SNX8: variants seen among roughly 807,000 people sequenced by gnomAD.
SNX8 encodes the protein sorting nexin-8.
In SNX8, 25 loss-of-function variants were observed where a neutral mutation model predicts 51.6. That is an observed-to-expected ratio of 0.48 (90% CI 0.35 to 0.68). The LOEUF is 0.68. Ranked by LOEUF, SNX8 falls within the 30% of genes least tolerant of loss-of-function variation. SNX8 has a pLI of 0.00. For synonymous variants in SNX8, 324 were observed against 277.0 expected, an observed-to-expected ratio of 1.17 and a Z score of -1.68; for missense variants, 695 against 624.0, an observed-to-expected ratio of 1.11 and a Z score of -1.21.
At chr7:2,328,538 C>A (rs1284570013) in intron 1 of SNX8, among the ~76,000 whole-genome samples, 1 of 152,090 alleles carries the variant, frequency 6.6e-6, no homozygotes, top group African/African-American at 2.4e-5. Context: ...TGTGGCCAGT[C>A]ACGGTGGTTC....
intron 6 of SNX8, among the ~76,000 whole-genome samples, chr7:2,263,630 C>T (rs549461106): frequency 7.9e-5 from 12 of 152,330 alleles, no homozygotes; most frequent in Admixed American, 2.0e-4. Flanking sequence ...ACTGCTGGGG[C>T]AAGCAGAGTC....
At chr7:2,350,884 T>G (rs1779123669) in intron 1 of SNX8, among the ~76,000 whole-genome samples, 1 of 152,150 alleles carries the variant, frequency 6.6e-6, no homozygotes, top group South Asian at 2.1e-4. Context: ...TGACCTCAAG[T>G]GATCCTCCTG....
intron 1 of SNX8, among the ~76,000 whole-genome samples, chr7:2,347,488 A>AT (rs1010382821): frequency 2.0e-5 from 2 of 100,442 alleles, no homozygotes; most frequent in African/African-American, 6.3e-5. Context: ...CTCAAAAAAA[A>AT]AAAAAAAAAA....
chr7:2,342,776 C>G (rs1308777558), intron 1 of SNX8, among the ~76,000 whole-genome samples: 7 of 152,008 alleles, frequency 4.6e-5, no homozygotes, highest in Admixed American at 3.3e-4. Flanking sequence ...GCCCATCAGC[C>G]AAATAGGGCT....
In SNX8 at chr7:2,252,689, G is replaced by A. The variant is rs1795068733; in HGVS notation, c.*2367C>T. On this transcript the variant is annotated 3_prime_UTR_variant, in exon 11 of 11. Transcript: ENST00000222990. ...CTTCCTGCCCCCCCACCTCCCTCCT[G>A]CCTTCCCACCCCTGCCCTCTTGCTC... 1 of 65,232 alleles carries A rather than the reference G, an allele frequency of 1.5e-5. No homozygotes were observed. The highest frequency in any genetic ancestry group is 1.7e-4 in the Admixed American group (1 of 5,854). The allele number at this position is 65,232 out of a possible 1,614,324, so 4.0% of individuals were successfully genotyped here.
At chr7:2,283,966 T>C (rs1454895969) in intron 1 of SNX8, among the ~76,000 whole-genome samples, 2 of 152,160 alleles carry the variant, frequency 1.3e-5, no homozygotes, top group African/African-American at 4.8e-5. Context: ...TGGCTAATTT[T>C]GCATTTTTAG....
At chr7:2,313,027 A>C (rs1796688810) in intron 1 of SNX8, among the ~76,000 whole-genome samples, 1 of 151,982 alleles carries the variant, frequency 6.6e-6, no homozygotes. Flanking sequence ...CCTCCCGAGT[A>C]GCTGGGACTA....
intron 1 of SNX8, among the ~76,000 whole-genome samples, chr7:2,332,200 C>T (rs1207512258): frequency 6.6e-6 from 1 of 150,854 alleles, no homozygotes; most frequent in African/African-American, 2.4e-5. Context: ...GAGCCATAGG[C>T]TGTCTCAGAA....
At chr7:2,330,939 C>T (rs1374904446) in intron 1 of SNX8, among the ~76,000 whole-genome samples, 1 of 151,976 alleles carries the variant, frequency 6.6e-6, no homozygotes, top group African/African-American at 2.4e-5. Flanking sequence ...GATCCCAAAA[C>T]TTTGGGAGGC....
chr7:2,307,409 G>T (rs997968850), intron 1 of SNX8, among the ~76,000 whole-genome samples: 1 of 151,948 alleles, frequency 6.6e-6, no homozygotes, highest in African/African-American at 2.4e-5. Context: ...AAGGCGGGGG[G>T]ATCACTGAGG....
At chr7:2,265,626 C>T (rs1427871886) in intron 5 of SNX8, among the ~76,000 whole-genome samples, 1 of 152,156 alleles carries the variant, frequency 6.6e-6, no homozygotes, top group African/African-American at 2.4e-5. Context: ...GCCTGGGGAC[C>T]CTGTCCCCAG....
intron 3 of SNX8, 33 bp downstream of exon 3, chr7:2,275,079 T>C (rs1327420133): frequency 2.1e-6 from 3 of 1,462,698 alleles, no homozygotes; most frequent in Admixed American, 3.3e-5. Context: ...GCTCGCTCCC[T>C]CCGCCCCCGG....
At chr7:2,313,090 A>C (rs191863031) in intron 1 of SNX8, among the ~76,000 whole-genome samples, 1 of 151,774 alleles carries the variant, frequency 6.6e-6, no homozygotes, top group Admixed American at 6.6e-5. Flanking sequence ...TAGTAGAGAC[A>C]GGGTTTCACC....
At chr7:2,299,843 G>C (rs549343437) in intron 1 of SNX8, among the ~76,000 whole-genome samples, 2 of 152,164 alleles carry the variant, frequency 1.3e-5, no homozygotes, top group South Asian at 4.2e-4. Context: ...ACCTTCATTG[G>C]CCACCAAATA....
chr7:2,300,014 C>T (rs1266467839), intron 1 of SNX8, among the ~76,000 whole-genome samples: 1 of 152,134 alleles, frequency 6.6e-6, no homozygotes, highest in Non-Finnish European at 1.5e-5. Flanking sequence ...CAACAAGGAA[C>T]GCAATTAATC....
In SNX8 at chr7:2,289,276, G is replaced by A. The variant is rs139265319; in HGVS notation, c.95-10971C>T. 5.5e-3 allele frequency among the ~76,000 whole-genome samples: 834 copies of A among 152,240 alleles called. 4 individuals are homozygous for A. The highest frequency in any genetic ancestry group is 0.019 in the African/African-American group (795 of 41,534). Reference sequence around the variant, plus strand: ...GGTGCTGTTACGAACATTCCAGCACGTGGCTCTTGGTGGACATATGTGTGC... The same window carrying A: ...GGTGCTGTTACGAACATTCCAGCACATGGCTCTTGGTGGACATATGTGTGC... On this transcript the variant is annotated intron_variant, in intron 1 of 10. Transcript: ENST00000222990.
chr7:2,342,410 T>G (rs1365474965), intron 1 of SNX8, among the ~76,000 whole-genome samples: 1 of 151,956 alleles, frequency 6.6e-6, no homozygotes, highest in African/African-American at 2.4e-5. Context: ...TCCCAGCACT[T>G]TGGGGGGCTG....
intron 1 of SNX8, among the ~76,000 whole-genome samples, chr7:2,280,426 G>A (rs959755329): frequency 6.6e-6 from 1 of 151,086 alleles, no homozygotes; most frequent in African/African-American, 2.4e-5. Flanking sequence ...AGGTTGTGGT[G>A]AGCCCAGATC....
intron 1 of SNX8, among the ~76,000 whole-genome samples, chr7:2,343,616 A>G (rs1778971204): frequency 6.6e-6 from 1 of 152,084 alleles, no homozygotes; most frequent in Non-Finnish European, 1.5e-5. Flanking sequence ...CGGAGCTTGC[A>G]GTGAGCCAAC....
Sources: allele counts gnomAD v4.1 joint callset (sites outside exome capture counted in the v4.1 genomes callset), GRCh38; gene constraint gnomAD v4.1.1; transcripts MANE v1.5; gene names NCBI Gene and HGNC (gene_info 2026-07-23, HGNC 2026-07-21).